Variants in STAG1 observed in about 807,000 individuals in gnomAD.
The protein encoded by STAG1 is STAG1 cohesin complex component.
STAG1 carries 26 observed loss-of-function variants against 170.9 expected under a neutral mutation model. The ratio of observed to expected loss-of-function variants is 0.15; its 90% CI spans 0.11 to 0.21. STAG1 has a LOEUF of 0.21. Ranked by LOEUF, STAG1 falls within the 10% of genes least tolerant of loss-of-function variation. STAG1 has a pLI of 1.00. For missense variants in STAG1, 964 were observed against 1,509.5 expected, an observed-to-expected ratio of 0.64 and a Z score of 5.99; for synonymous variants, 514 against 497.7, an observed-to-expected ratio of 1.03 and a Z score of -0.44.
At chr3:136,436,086 TAGCTGGG>T (rs1322172609) in intron 15 of STAG1, among the ~76,000 whole-genome samples, 1 of 152,012 alleles carries the variant, frequency 6.6e-6, no homozygotes, top group Non-Finnish European at 1.5e-5. Context: ...GCCTCCTAAG[TAGCTGGG>T]ATTACAGGTG....
intron 1 of STAG1, among the ~76,000 whole-genome samples, chr3:136,734,251 T>C (rs1934212474): frequency 6.6e-6 from 1 of 152,114 alleles, no homozygotes; most frequent in Non-Finnish European, 1.5e-5. Flanking sequence ...TGTAACCTGA[T>C]ATAATCATGG....
At chr3:136,491,029 CAT>C (rs1433518978) in intron 9 of STAG1, among the ~76,000 whole-genome samples, 1 of 152,154 alleles carries the variant, frequency 6.6e-6, no homozygotes, top group Non-Finnish European at 1.5e-5. Flanking sequence ...ACTCAGCACT[CAT>C]TAAGTTTTTT....
intron 1 of STAG1, among the ~76,000 whole-genome samples, chr3:136,634,294 C>T (rs879377963): frequency 3.9e-4 from 59 of 151,766 alleles, no homozygotes; most frequent in African/African-American, 1.5e-4. Flanking sequence ...GAGGTTGAGG[C>T]TACAGTGAGC....
At chr3:136,548,273 C>T (rs1204447983) in intron 5 of STAG1, among the ~76,000 whole-genome samples, 6 of 151,876 alleles carry the variant, frequency 4.0e-5, no homozygotes, top group South Asian at 2.1e-4. Context: ...CCACCATGCC[C>T]GGGCTAATTT....
At chr3:136,339,005 A>G (rs149140619) in intron 32 of STAG1, among the ~76,000 whole-genome samples, 20 of 152,336 alleles carry the variant, frequency 1.3e-4, no homozygotes, top group Middle Eastern at 6.8e-3. Flanking sequence ...CTAATCCAGT[A>G]CCTCAGAACA....
At chr3:136,498,382 G>T (rs1225303516) in intron 9 of STAG1, among the ~76,000 whole-genome samples, 7 of 148,194 alleles carry the variant, frequency 4.7e-5, no homozygotes, top group Admixed American at 2.7e-4. Context: ...AAAGAAGCCA[G>T]ATCCGCCCAC....
chr3:136,512,062 C>G lies in STAG1; in HGVS notation c.676+9151G>C, dbSNP rs1934090451. Among the ~76,000 whole-genome samples the G allele has an allele frequency of 4.8e-5, 5 of 104,742 alleles. No homozygotes were observed. The Admixed American group carries it at 7.0e-4, about 15-fold the overall frequency. The allele number at this position is 104,742 out of a possible 152,430, so 68.7% of individuals were successfully genotyped here. A position where few individuals can be genotyped will look rare whatever the true frequency, so the allele number is the denominator to read the frequency against. ...TTGAGCCCAGGAATTTGAGACCAGACTAGGAAACACAGTAAGACCTCTTCT... is the reference window on the plus strand; with the variant it reads ...TTGAGCCCAGGAATTTGAGACCAGAGTAGGAAACACAGTAAGACCTCTTCT... On this transcript the variant is annotated intron_variant, in intron 7 of 33. Coordinates refer to ENST00000383202, the MANE Select transcript of STAG1 (RefSeq NM_005862.3).
chr3:136,441,395 A>G (rs1181507361), intron 15 of STAG1, among the ~76,000 whole-genome samples: 1 of 152,212 alleles, frequency 6.6e-6, no homozygotes, highest in East Asian at 1.9e-4. Flanking sequence ...AAAATAAATA[A>G]TAATTACAGC....
At chr3:136,687,737 A>ATTT (rs397876527) in intron 1 of STAG1, among the ~76,000 whole-genome samples, 4 of 141,788 alleles carry the variant, frequency 2.8e-5, no homozygotes, top group African/African-American at 5.2e-5. Context: ...GAAGAGACCA[A>ATTT]TTTTTTTTTT....
chr3:136,615,098 T>G (rs138702616), intron 3 of STAG1, among the ~76,000 whole-genome samples: 6 of 152,194 alleles, frequency 3.9e-5, no homozygotes, highest in Non-Finnish European at 7.4e-5. Context: ...AAAATTATGC[T>G]GCAAGTTGGG....
At chr3:136,716,670 C>A (rs1943549197) in intron 1 of STAG1, among the ~76,000 whole-genome samples, 1 of 152,106 alleles carries the variant, frequency 6.6e-6, no homozygotes, top group Non-Finnish European at 1.5e-5. Context: ...AAACAAAAAA[C>A]TCTATATTCT....
At chr3:136,508,685 T>A (rs1457852149) in intron 7 of STAG1, among the ~76,000 whole-genome samples, 1 of 152,226 alleles carries the variant, frequency 6.6e-6, no homozygotes, top group African/African-American at 2.4e-5. Flanking sequence ...AGACCCTGTC[T>A]CTAAAATAAA....
rs557761158 is a variant in STAG1, at chr3:136,342,730, A to G, written c.3446+1102T>C. Reference sequence around the variant, plus strand: ...GTCTCTAAGTAGCTGTCTTTATATCATGTGGGGCCACCACCTTGATTAAAC... The same window carrying G: ...GTCTCTAAGTAGCTGTCTTTATATCGTGTGGGGCCACCACCTTGATTAAAC... On this transcript the variant is annotated intron_variant, in intron 30 of 33. Transcript: ENST00000383202. Among the ~76,000 whole-genome samples, 9 of 152,326 alleles carry G rather than the reference A, an allele frequency of 5.9e-5. No individual in the cohort carries two copies. The South Asian group carries it at 1.7e-3, about 28-fold the overall frequency.
intron 13 of STAG1, among the ~76,000 whole-genome samples, chr3:136,453,314 G>A (rs1212033279): frequency 2.6e-5 from 4 of 152,048 alleles, no homozygotes; most frequent in Admixed American, 6.6e-5. Flanking sequence ...TAAGTTGGCC[G>A]GGCACGGTGG....
At chr3:136,506,837 A>C (rs921456097) in intron 7 of STAG1, among the ~76,000 whole-genome samples, 1 of 152,216 alleles carries the variant, frequency 6.6e-6, no homozygotes, top group Non-Finnish European at 1.5e-5. Flanking sequence ...ACTGGTATTC[A>C]GAACCATAAA....
chr3:136,465,765 A>C (rs1291116727), intron 12 of STAG1, among the ~76,000 whole-genome samples: 1 of 152,046 alleles, frequency 6.6e-6, no homozygotes, highest in Non-Finnish European at 1.5e-5. Context: ...GCAATAACCA[A>C]GCAGAAAATA....
intron 16 of STAG1, among the ~76,000 whole-genome samples, chr3:136,423,372 G>T (rs1001962867): frequency 1.3e-5 from 2 of 152,122 alleles, no homozygotes; most frequent in African/African-American, 2.4e-5. Flanking sequence ...TGTTAACAGT[G>T]ATCTTCCTAT....
chr3:136,475,848 T>C (rs372453241), intron 10 of STAG1, among the ~76,000 whole-genome samples: 6 of 152,168 alleles, frequency 3.9e-5, no homozygotes, highest in Admixed American at 3.9e-4. Flanking sequence ...GGGTGTTTCA[T>C]CACCAGTTCA....
At chr3:136,354,036 AGAAAT>A (rs1936534454) in intron 28 of STAG1, among the ~76,000 whole-genome samples, 1 of 152,238 alleles carries the variant, frequency 6.6e-6, no homozygotes, top group Non-Finnish European at 1.5e-5. Context: ...ATCCACAGGA[AGAAAT>A]GAAGAGAACC....
Sources: gnomAD v4.1 joint callset for allele counts (sites outside exome capture counted in the v4.1 genomes callset) on GRCh38, gnomAD v4.1.1 for gene constraint, MANE v1.5 for transcripts, NCBI Gene and HGNC (gene_info 2026-07-23, HGNC 2026-07-21) for gene names.